The following LRRC8D variants were observed in gnomAD, a reference collection of about 807,000 sequenced individuals.
LRRC8D encodes volume-regulated anion channel subunit LRRC8D.
In LRRC8D, 20 loss-of-function variants were observed where a neutral mutation model predicts 55.8. The ratio of observed to expected loss-of-function variants is 0.36; its 90% CI spans 0.25 to 0.52. LRRC8D has a LOEUF of 0.52. Among genes scored for constraint, LRRC8D ranks in the 20% least tolerant of loss-of-function variants. The pLI, the probability that LRRC8D is intolerant of heterozygous loss-of-function variation, is 0.93. For synonymous variants in LRRC8D, 352 were observed against 377.0 expected, an observed-to-expected ratio of 0.93 and a Z score of 0.77; for missense variants, 651 against 1,030.8, an observed-to-expected ratio of 0.63 and a Z score of 5.05.
intron 2 of LRRC8D, among the ~76,000 whole-genome samples, chr1:89,884,951 T>C (rs142392771): frequency 1.7e-3 from 264 of 152,314 alleles, no homozygotes; most frequent in African/African-American, 5.8e-3. Flanking sequence ...ATATCATGCT[T>C]GATGTTGCCT....
At chr1:89,847,085 A>G (rs1244917975) in intron 2 of LRRC8D, among the ~76,000 whole-genome samples, 2 of 152,176 alleles carry the variant, frequency 1.3e-5, no homozygotes, top group Non-Finnish European at 2.9e-5. Context: ...TAGATTAAAT[A>G]TTTTTGTAAC....
intron 1 of LRRC8D, among the ~76,000 whole-genome samples, chr1:89,828,762 CAT>C (rs1032020634): frequency 2.0e-5 from 3 of 151,770 alleles, no homozygotes; most frequent in Non-Finnish European, 4.4e-5. Context: ...TTTCTTAAAA[CAT>C]TTTTTTCTTT....
chr1:89,929,703 C>CA (rs1022284822), intron 2 of LRRC8D: 1 of 152,172 alleles, frequency 6.6e-6, no homozygotes, highest in Non-Finnish European at 1.5e-5. Context: ...TGTACTTACA[C>CA]AAAGCTAGAT....
intron 2 of LRRC8D, among the ~76,000 whole-genome samples, chr1:89,926,048 G>C (rs2100984570): frequency 6.6e-6 from 1 of 152,298 alleles, no homozygotes; most frequent in Middle Eastern, 3.4e-3. Context: ...CTTTGCCCTT[G>C]CTATTTCTTC....
At chr1:89,843,459 C>T in intron 1 of LRRC8D, 179 bp from the exon 2 acceptor site, 2 of 423,992 alleles carry the variant, frequency 4.7e-6, no homozygotes, top group Non-Finnish European at 8.4e-6. Flanking sequence ...CACCTCGGCA[C>T]CACGCGGGCA....
At chr1:89,851,070 G>GTTT (rs200321844) in intron 2 of LRRC8D, among the ~76,000 whole-genome samples, 1 of 143,116 alleles carries the variant, frequency 7.0e-6, no homozygotes, top group Non-Finnish European at 1.5e-5. Context: ...GTTTTTTTGT[G>GTTT]TTTTTTTTTT....
chr1:89,851,554 G>A (rs1299356952), intron 2 of LRRC8D, among the ~76,000 whole-genome samples: 1 of 151,286 alleles, frequency 6.6e-6, no homozygotes, highest in East Asian at 1.9e-4. Context: ...GTGTTGCCCA[G>A]GCTGGAGTGC....
At chr1:89,886,567 A>C (rs978187404) in intron 2 of LRRC8D, among the ~76,000 whole-genome samples, 3 of 152,254 alleles carry the variant, frequency 2.0e-5, no homozygotes, top group African/African-American at 7.2e-5. Context: ...GCACTTAATA[A>C]TAAGCAATTT....
intron 1 of LRRC8D, among the ~76,000 whole-genome samples, chr1:89,838,767 T>C (rs1557443644): frequency 6.6e-6 from 1 of 152,222 alleles, no homozygotes; most frequent in African/African-American, 2.4e-5. Context: ...AAAAAATGTA[T>C]TAAGATTTTG....
intron 2 of LRRC8D, among the ~76,000 whole-genome samples, chr1:89,892,919 A>G (rs1029210977): frequency 6.6e-6 from 1 of 152,362 alleles, no homozygotes; most frequent in African/African-American, 2.4e-5. Flanking sequence ...AGTTTATTTG[A>G]AATTACATGT....
chr1:89,909,465 A>G (rs1003357614), intron 2 of LRRC8D, among the ~76,000 whole-genome samples: 5 of 148,236 alleles, frequency 3.4e-5, no homozygotes, highest in African/African-American at 1.2e-4. Flanking sequence ...TACCAGTGCC[A>G]TTTTTTTTTT....
intron 2 of LRRC8D, among the ~76,000 whole-genome samples, chr1:89,867,008 T>C (rs946258143): frequency 6.6e-6 from 1 of 152,206 alleles, no homozygotes; most frequent in Admixed American, 6.5e-5. Flanking sequence ...TTTTAACTGT[T>C]TTATTGAGAT....
intron 2 of LRRC8D, among the ~76,000 whole-genome samples, chr1:89,879,659 G>A (rs553492983): frequency 1.3e-5 from 2 of 152,264 alleles, no homozygotes; most frequent in South Asian, 4.1e-4. Flanking sequence ...CACACTAGTA[G>A]ACACCGTTGT....
chr1:89,830,059 A>T (rs984435594), intron 1 of LRRC8D, among the ~76,000 whole-genome samples: 2 of 152,238 alleles, frequency 1.3e-5, no homozygotes, highest in African/African-American at 4.8e-5. Context: ...TATTCAATAT[A>T]AAAAAACTAT....
chr1:89,837,425 T>A lies in LRRC8D; in HGVS notation c.-147-6213T>A, dbSNP rs113835628. 8.5e-3 allele frequency among the ~76,000 whole-genome samples: 1,297 copies of A among 152,324 alleles called. 16 individuals carry two copies. Among genetic ancestry groups the A allele is most frequent in the African/African-American group, 0.03 (1,250 of 41,578 alleles). ...GCTGTATTTATGGCACTGTACCTCATGAACTTTCACACAAGGGAAAGCAAA... is the reference window on the plus strand; with the variant it reads ...GCTGTATTTATGGCACTGTACCTCAAGAACTTTCACACAAGGGAAAGCAAA... On this transcript the variant is annotated intron_variant, in intron 1 of 2. Coordinates refer to ENST00000337338, the MANE Select transcript of LRRC8D (RefSeq NM_001134479.2).
intron 2 of LRRC8D, among the ~76,000 whole-genome samples, chr1:89,914,219 A>G (rs994802351): frequency 1.3e-5 from 2 of 152,202 alleles, no homozygotes; most frequent in Non-Finnish European, 2.9e-5. Flanking sequence ...GGTCTTACTG[A>G]CTTCAAGAAT....
chr1:89,840,648 A>G (rs910755467), intron 1 of LRRC8D, among the ~76,000 whole-genome samples: 2 of 152,222 alleles, frequency 1.3e-5, no homozygotes, highest in African/African-American at 2.4e-5. Flanking sequence ...TCTCCTATAT[A>G]TCATTAAATT....
In LRRC8D at chr1:89,874,848, T is replaced by G. The variant is rs1262004006; in HGVS notation, c.-3+31066T>G. The stretch of plus-strand genomic sequence containing the variant: ...TGGTGGAAGAAGAGGCTGGCTGAAT[T>G]GATGAGTGAGAATGTTTATTCATAA... On this transcript the variant is annotated intron_variant, in intron 2 of 2. Transcript: ENST00000337338. Among the ~76,000 whole-genome samples the G allele has an allele frequency of 2.0e-5, 3 of 152,186 alleles. No homozygotes were observed. In the East Asian group the frequency reaches 5.8e-4, roughly 29 times the overall value.
chr1:89,848,700 T>G (rs539114913), intron 2 of LRRC8D, among the ~76,000 whole-genome samples: 182 of 152,012 alleles, frequency 1.2e-3, no homozygotes, highest in Middle Eastern at 3.4e-3. Context: ...TTTTTTTGGT[T>G]TTTTGGGGTT....
Sources: allele counts gnomAD v4.1 joint callset (sites outside exome capture counted in the v4.1 genomes callset), GRCh38; gene constraint gnomAD v4.1.1; transcripts MANE v1.5; gene names NCBI Gene and HGNC (gene_info 2026-07-23, HGNC 2026-07-21).